The following CTNNA3 variants were observed in gnomAD, a reference collection of about 807,000 sequenced individuals.
The protein encoded by CTNNA3 is catenin alpha 3, also known as catenin alpha-3.
Under a neutral mutation model 95.7 loss-of-function variants are expected in CTNNA3, and 76 were observed. The ratio of observed to expected loss-of-function variants is 0.79; its 90% confidence interval spans 0.66 to 0.96. CTNNA3 has a LOEUF of 0.96. Among genes scored for constraint, CTNNA3 ranks in the 40% least tolerant of loss-of-function variants. CTNNA3 has a pLI of 0.00. For missense variants in CTNNA3, 1,191 were observed against 1,089.8 expected (o/e 1.09, Z -1.31); for synonymous variants, 431 against 374.4 (o/e 1.15, Z -1.74).
chr10:66,679,875 A>G (rs1236039324), intron 9 of CTNNA3, among the ~76,000 whole-genome samples: 1 of 152,204 alleles, frequency 6.6e-6, no homozygotes, highest in Non-Finnish European at 1.5e-5. Context: ...CAAGTTACAT[A>G]TTTAATACTC....
chr10:66,076,007 T>C (rs1564620188), intron 14 of CTNNA3, among the ~76,000 whole-genome samples: 1 of 151,680 alleles, frequency 6.6e-6, no homozygotes, highest in African/African-American at 2.4e-5. Context: ...TTATAAATAT[T>C]AGAGAATTTC....
chr10:67,017,678 G>A (rs987002386), intron 7 of CTNNA3, among the ~76,000 whole-genome samples: 49 of 152,180 alleles, frequency 3.2e-4, no homozygotes, highest in African/African-American at 1.1e-3. Flanking sequence ...AGGACAGTTA[G>A]TAGGTTAATC....
At chr10:66,035,272 G>A (rs1649892335) in intron 15 of CTNNA3, among the ~76,000 whole-genome samples, 1 of 152,156 alleles carries the variant, frequency 6.6e-6, no homozygotes, top group African/African-American at 2.4e-5. Flanking sequence ...GGAATGAAAT[G>A]AGCATTCCAG....
At chr10:66,738,184 T>A (rs1324686291) in intron 9 of CTNNA3, among the ~76,000 whole-genome samples, 1 of 152,220 alleles carries the variant, frequency 6.6e-6, no homozygotes, top group Admixed American at 6.5e-5. Context: ...TTGTTTTGGC[T>A]TAATTCCCAA....
chr10:66,400,888 T>A (rs1246712365), intron 11 of CTNNA3, among the ~76,000 whole-genome samples: 1 of 152,264 alleles, frequency 6.6e-6, no homozygotes, highest in East Asian at 1.9e-4. Flanking sequence ...GTGTGTCATA[T>A]ACAAAGACAA....
chr10:66,746,749 A>G (rs1838894352), intron 9 of CTNNA3, among the ~76,000 whole-genome samples: 3 of 152,214 alleles, frequency 2.0e-5, no homozygotes, highest in Admixed American at 6.5e-5. Flanking sequence ...TTGACTCCCC[A>G]TAAGTATCAA....
chr10:66,219,578 C>G (rs971273595), intron 13 of CTNNA3, among the ~76,000 whole-genome samples: 2 of 152,002 alleles, frequency 1.3e-5, no homozygotes, highest in Non-Finnish European at 2.9e-5. Flanking sequence ...TCTTAACAGC[C>G]ACATGAGAAA....
intron 1 of CTNNA3, among the ~76,000 whole-genome samples, chr10:67,727,704 G>T (rs12572715): frequency 0.17 from 21,204 of 124,570 alleles, 2,712 homozygotes; most frequent in East Asian, 0.44. Context: ...ATAGATCATA[G>T]ATAATATATA....
At chr10:66,894,182 C>G (rs111693317) in intron 7 of CTNNA3, among the ~76,000 whole-genome samples, 2,061 of 151,856 alleles carry the variant, frequency 0.014, 54 homozygotes, top group African/African-American at 0.047. Flanking sequence ...AATTTATACA[C>G]GTTAATTTTT....
chr10:66,394,222 C>T (rs988634432), intron 11 of CTNNA3, among the ~76,000 whole-genome samples: 4 of 151,840 alleles, frequency 2.6e-5, no homozygotes, highest in African/African-American at 9.7e-5. Context: ...TAATAAGGAG[C>T]CATCATAGCT....
Position 66,592,877 on chromosome 10 carries a change from T to C in CTNNA3, c.1374+28815A>G, listed in dbSNP as rs189389977. Among the ~76,000 whole-genome samples the C allele has an allele frequency of 1.7e-4, 26 of 152,184 alleles. No individual in the cohort carries two copies. In the East Asian group the frequency reaches 4.5e-3, roughly 26 times the overall value. ...AGAAGACTTTCATGGAGGTAGGAGG[T>C]AAGCTACTGTAATAATAGAGGCCAG... On this transcript the variant is annotated intron_variant, in intron 10 of 17. Transcript: ENST00000433211.
intron 13 of CTNNA3, among the ~76,000 whole-genome samples, chr10:66,245,147 G>GGACAT (rs1376117717): frequency 6.6e-6 from 1 of 152,122 alleles, no homozygotes; most frequent in African/African-American, 2.4e-5. Context: ...TGTGGGGTCC[G>GGACAT]GCCACTGCTC....
At chr10:66,894,831 T>C (rs922501816) in intron 7 of CTNNA3, among the ~76,000 whole-genome samples, 1 of 151,824 alleles carries the variant, frequency 6.6e-6, no homozygotes, top group Non-Finnish European at 1.5e-5. Context: ...CAATTAGCTG[T>C]GGCACCAAAT....
chr10:66,380,793 A>C (rs2092832653), intron 11 of CTNNA3, among the ~76,000 whole-genome samples: 1 of 151,988 alleles, frequency 6.6e-6, no homozygotes, highest in Non-Finnish European at 1.5e-5. Context: ...TTAAAGAAAT[A>C]GTCATTAAAG....
intron 1 of CTNNA3, among the ~76,000 whole-genome samples, chr10:67,701,705 A>T (rs951375016): frequency 3.3e-5 from 5 of 152,216 alleles, no homozygotes; most frequent in Non-Finnish European, 7.3e-5. Context: ...GGCTAGGAAG[A>T]AACTGCATCA....
chr10:67,580,001 G>A (rs887155243), intron 3 of CTNNA3, among the ~76,000 whole-genome samples: 1 of 152,124 alleles, frequency 6.6e-6, no homozygotes, highest in Non-Finnish European at 1.5e-5. Flanking sequence ...CCATTCTGTA[G>A]GTTGCCTGTT....
chr10:67,414,894 A>G (rs1246128734), intron 5 of CTNNA3, among the ~76,000 whole-genome samples: 1 of 152,234 alleles, frequency 6.6e-6, no homozygotes, highest in Non-Finnish European at 1.5e-5. Flanking sequence ...TCACCACACA[A>G]ACAGAATCAA....
At chr10:66,941,438 T>A (rs1847988484) in intron 7 of CTNNA3, among the ~76,000 whole-genome samples, 1 of 152,294 alleles carries the variant, frequency 6.6e-6, no homozygotes, top group East Asian at 1.9e-4. Context: ...TCAAGGTAAT[T>A]TTAAGTAAAA....
intron 3 of CTNNA3, among the ~76,000 whole-genome samples, chr10:67,562,032 G>GCA (rs1841532276): frequency 1.3e-5 from 2 of 152,102 alleles, no homozygotes; most frequent in Admixed American, 1.3e-4. Flanking sequence ...AGGACCAGAT[G>GCA]GATTCACAGC....
Sources: allele counts gnomAD v4.1 joint callset (sites outside exome capture counted in the v4.1 genomes callset), GRCh38; gene constraint gnomAD v4.1.1; transcripts MANE v1.5; gene names NCBI Gene and HGNC (gene_info 2026-07-23, HGNC 2026-07-21).